Variants in TRPM3 observed in about 807,000 individuals in gnomAD.
The protein encoded by TRPM3 is transient receptor potential cation channel subfamily M member 3, also known as long transient receptor potential channel 3.
In TRPM3, 77 loss-of-function variants were observed where a neutral mutation model predicts 181.2. That is an observed-to-expected ratio of 0.42 (90% CI 0.35 to 0.51). TRPM3 has a LOEUF of 0.51. TRPM3 is among the 20% of genes least tolerant of loss of function. The pLI is 0.01. For synonymous variants in TRPM3, 745 were observed against 796.4 expected (o/e 0.94, Z 1.09); for missense variants, 1,759 against 2,196.7 (o/e 0.80, Z 3.98).
chr9:70,895,386 CAAT>C (rs2096267548), intron 1 of TRPM3, among the ~76,000 whole-genome samples: 1 of 152,166 alleles, frequency 6.6e-6, no homozygotes, highest in Non-Finnish European at 1.5e-5. Flanking sequence ...TAAAGGGACA[CAAT>C]AATTGTGCAC....
intron 1 of TRPM3, among the ~76,000 whole-genome samples, chr9:70,945,371 A>C (rs546569451): frequency 6.6e-6 from 1 of 152,212 alleles, no homozygotes; most frequent in Non-Finnish European, 1.5e-5. Flanking sequence ...AGTATTTGCT[A>C]TAAGGTAGTT....
intron 1 of TRPM3, among the ~76,000 whole-genome samples, chr9:71,057,971 C>T (rs1374810935): frequency 1.3e-5 from 2 of 151,976 alleles, no homozygotes; most frequent in East Asian, 3.9e-4. Flanking sequence ...CATTAAAATA[C>T]ATAAACATAC....
At chr9:70,650,758 AT>A (rs1475938171) in intron 9 of TRPM3, among the ~76,000 whole-genome samples, 1 of 151,996 alleles carries the variant, frequency 6.6e-6, no homozygotes, top group Non-Finnish European at 1.5e-5. Context: ...TTCACAATGT[AT>A]ATTTGATCTT....
chr9:70,600,909 A>G (rs1299013448), intron 20 of TRPM3, among the ~76,000 whole-genome samples: 1 of 152,174 alleles, frequency 6.6e-6, no homozygotes, highest in Non-Finnish European at 1.5e-5. Flanking sequence ...GTAAAGTCCC[A>G]ACATTAAAAA....
chr9:71,421,299 C>T (rs931801967), intron 1 of TRPM3, among the ~76,000 whole-genome samples: 13 of 151,756 alleles, frequency 8.6e-5, no homozygotes, highest in Admixed American at 2.0e-4. Context: ...GTACCCCAAA[C>T]TTCACCATCA....
intron 1 of TRPM3, among the ~76,000 whole-genome samples, chr9:71,262,297 G>C (rs1272316628): frequency 2.0e-5 from 3 of 152,150 alleles, no homozygotes; most frequent in Non-Finnish European, 2.9e-5. Flanking sequence ...GGACTTCCCA[G>C]GGGCTTTGTT....
At chr9:71,086,814 T>C (rs1016854046) in intron 1 of TRPM3, among the ~76,000 whole-genome samples, 4 of 152,118 alleles carry the variant, frequency 2.6e-5, no homozygotes, top group Admixed American at 2.0e-4. Flanking sequence ...CTTAATATTC[T>C]AGGCAGAGCT....
At chr9:70,616,669 C>T (rs114364381) in intron 17 of TRPM3, among the ~76,000 whole-genome samples, 2,078 of 151,702 alleles carry the variant, frequency 0.014, 44 homozygotes, top group African/African-American at 0.048. Context: ...GTATTTGCTA[C>T]GAGAACAGCA....
chr9:71,243,791 T>C (rs754223916), intron 1 of TRPM3, among the ~76,000 whole-genome samples: 1 of 152,202 alleles, frequency 6.6e-6, no homozygotes, highest in Non-Finnish European at 1.5e-5. Flanking sequence ...CTAGGGAAGA[T>C]GCACACATCT....
chr9:71,364,243 TA>T (rs1461822340), intron 1 of TRPM3, among the ~76,000 whole-genome samples: 1 of 152,186 alleles, frequency 6.6e-6, no homozygotes, highest in Non-Finnish European at 1.5e-5. Flanking sequence ...GAAGCCTTAA[TA>T]TTTTTATTCG....
chr9:71,271,357 C>T (rs191896247), intron 1 of TRPM3, among the ~76,000 whole-genome samples: 2 of 152,112 alleles, frequency 1.3e-5, no homozygotes, highest in Non-Finnish European at 2.9e-5. Context: ...AGAAACTTTG[C>T]CTTTTTCATC....
chr9:71,216,654 C>A (rs1189616420), intron 1 of TRPM3, among the ~76,000 whole-genome samples: 1 of 152,152 alleles, frequency 6.6e-6, no homozygotes, highest in Non-Finnish European at 1.5e-5. Context: ...AATATTCTTC[C>A]TGACATATTC....
intron 1 of TRPM3, among the ~76,000 whole-genome samples, chr9:71,443,077 A>C (rs2094155284): frequency 6.6e-6 from 1 of 152,252 alleles, no homozygotes; most frequent in African/African-American, 2.4e-5. Context: ...AAATTAATAT[A>C]CAACATCTTT....
intron 1 of TRPM3, among the ~76,000 whole-genome samples, chr9:71,044,997 T>A (rs2059270252): frequency 6.6e-6 from 1 of 152,128 alleles, no homozygotes; most frequent in South Asian, 2.1e-4. Flanking sequence ...GTTATTGCTC[T>A]CTGTTGTATT....
chr9:71,059,010 C>CTTTTTT (rs1491270019), intron 1 of TRPM3, among the ~76,000 whole-genome samples: 6 of 15,924 alleles, frequency 3.8e-4, no homozygotes, highest in Non-Finnish European at 6.1e-4. Context: ...TTTGTTTGTT[C>CTTTTTT]ATTTTTTTTT....
chr9:70,627,688 C>G (rs896669676), intron 12 of TRPM3, among the ~76,000 whole-genome samples: 1 of 152,080 alleles, frequency 6.6e-6, no homozygotes, highest in African/African-American at 2.4e-5. Context: ...CTAACTGGAG[C>G]CAGCCAGGCA....
In TRPM3 at chr9:70,646,641, A is replaced by C. The variant is rs975089212; in HGVS notation, c.1346-5981T>G. Among the ~76,000 whole-genome samples, 3 of 152,144 alleles carry C rather than the reference A, an allele frequency of 2.0e-5. 1 individual carries two copies. Among genetic ancestry groups the C allele is most frequent in the Non-Finnish European group, 4.4e-5 (3 of 68,022 alleles). On this transcript the variant is annotated intron_variant, in intron 9 of 25. Transcript: ENST00000677713. ...TAGACTATGGGTTGATAGGTGCAGC[A>C]AACCAGCATGGCACATGTATCCCTA...
chr9:70,687,928 C>A (rs765848071), intron 8 of TRPM3, among the ~76,000 whole-genome samples: 9 of 152,182 alleles, frequency 5.9e-5, no homozygotes, highest in Non-Finnish European at 1.2e-4. Flanking sequence ...CTTCATAGAA[C>A]CTGCCTTCTA....
chr9:70,545,548 CTTT>C (rs5898150), intron 25 of TRPM3, among the ~76,000 whole-genome samples: 1,873 of 113,332 alleles, frequency 0.017, 58 homozygotes, highest in African/African-American at 0.058. Flanking sequence ...AATTTTCTTT[CTTT>C]TTTTTTTTTT....
Sources: allele counts gnomAD v4.1 joint callset (sites outside exome capture counted in the v4.1 genomes callset), GRCh38; gene constraint gnomAD v4.1.1; transcripts MANE v1.5; gene names NCBI Gene and HGNC (gene_info 2026-07-23, HGNC 2026-07-21).